Variants in STK16 observed in about 807,000 individuals in gnomAD.
The protein encoded by STK16 is serine/threonine kinase 16.
In STK16, 28 loss-of-function variants were observed where a neutral mutation model predicts 37.8. That is an observed-to-expected ratio of 0.74 (90% CI 0.55 to 1.02). The LOEUF is 1.02. Ranked by LOEUF, STK16 falls within the 50% of genes least tolerant of loss-of-function variation. The probability of loss-of-function intolerance (pLI) is 0.00; values close to 1 mark genes in which losing one functional copy is unlikely to be tolerated. For missense variants in STK16, 349 were observed against 390.6 expected, an observed-to-expected ratio of 0.89 and a Z score of 0.90; for synonymous variants, 134 against 155.0, an observed-to-expected ratio of 0.86 and a Z score of 1.01.
In STK16 at chr2:219,248,227, G is replaced by C; in HGVS notation, c.692G>C (p.Gly231Ala). 1 of 1,614,172 alleles carries C rather than the reference G, an allele frequency of 6.2e-7. No individual in the cohort carries two copies. The highest frequency in any genetic ancestry group is 8.5e-7 in the Non-Finnish European group (1 of 1,180,018). ...LGCVLYAMMF[G>A]EGPYDMVFQK... The stretch of plus-strand genomic sequence containing the variant: ...TGCGTGCTATATGCCATGATGTTTG[G>C]GGAAGGCCCTTATGACATGGTGTTC... The change falls in exon 7 of 8, where the codon GGG (glycine) becomes GCG (alanine). Residue 231 changes from glycine to alanine, a missense_variant. Transcript: ENST00000396738.
chr2:219,248,355 C>T (rs1305690777), intron 7 of STK16, 41 bp downstream of exon 7: 1 of 1,613,374 alleles, frequency 6.2e-7, no homozygotes, highest in African/African-American at 1.3e-5. Flanking sequence ...TTTCAGACTC[C>T]CCCCTGGTAT....
At position 219,248,065 on chromosome 2, in the gene STK16, T is replaced by C. The variant is rs1323340418; in HGVS notation, c.658-128T>C. The C allele has an allele frequency of 2.1e-6, 3 of 1,423,778 alleles. No homozygotes were observed. In the African/African-American group the frequency reaches 4.2e-5, roughly 20 times the overall value. 88.2% of individuals were successfully genotyped at this position (1,423,778 alleles called of 1,614,324 possible). On this transcript the variant is annotated intron_variant, in intron 6 of 7. Transcript: ENST00000396738. ...GCTGACTGGCAGTTTCTCTGGACCC[T>C]GGTGGTGCCATGTGGCTGAGGTCAG...
rs1951525644 is a variant in STK16, at chr2:219,246,175, T to C, written c.86+90T>C. On this transcript the variant is annotated intron_variant, in intron 2 of 7. Transcript: ENST00000396738. The surrounding 1 kb of genome is among the most constrained non-coding windows in gnomAD (Gnocchi z 4.5). ...ATATGCTTGGGGCACAAGGGTTTTA[T>C]CCCTATCCCTGTCCTCTCTCACCTG... 8.9e-7 allele frequency: 1 copy of C among 1,128,940 alleles called. No homozygotes were observed. Among genetic ancestry groups the C allele is most frequent in the Non-Finnish European group, 1.3e-6 (1 of 770,178 alleles). 69.9% of individuals were successfully genotyped at this position (1,128,940 alleles called of 1,614,324 possible).
In STK16 at chr2:219,246,772, A is replaced by G. The variant is rs1418868184; in HGVS notation, c.202A>G (p.Met68Val). The change falls in exon 3 of 8, where the codon ATG (methionine) becomes GTG (valine). Residue 68 changes from methionine (M) to valine (V), a missense_variant. Met to Val is a conservative substitution (Grantham distance 21). Coordinates refer to ENST00000396738, the MANE Select transcript of STK16 (RefSeq NM_001330213.2). This position sits in a 1 kb window ranked among gnomAD's most constrained non-coding sequence, Gnocchi z 4.5. ...GGAGGAGGCCCAGCGAGAAGCCGAC[A>G]TGCATCGCCTCTTCAATCACCCCAA... ...DREEAQREAD[M>V]HRLFNHPNIL... The G allele has an allele frequency of 6.2e-7, 1 of 1,614,210 alleles. No homozygotes were observed. Among genetic ancestry groups the G allele is most frequent in the South Asian group, 1.1e-5 (1 of 91,084 alleles).
intron 3 of STK16, 81 bp from the exon 4 acceptor site, chr2:219,247,032 G>A (rs577198736): frequency 2.5e-6 from 4 of 1,592,888 alleles, no homozygotes; most frequent in Admixed American, 1.7e-5. Flanking sequence ...GGGCTGATAG[G>A]CTTTGACATA....
Position 219,247,682 on chromosome 2 carries a change from CA to C in STK16, c.583del (p.Thr195ProfsTer27). ...TCCAGGACTGGGCAGCCCAGCGGTG[CA>C]CCATCTCCTACCGAGCCCCAGAGCT... Reference protein sequence around the residue: ...TLQDWAAQRCTISYRAPELFS... With the variant: ...TLQDWAAQRCXISYRAPELFS... On this transcript the variant is annotated frameshift_variant, in exon 6 of 8. Coordinates refer to ENST00000396738, the MANE Select transcript of STK16 (RefSeq NM_001330213.2). LOFTEE classifies it high-confidence loss of function. 1 of 1,610,970 alleles carries C rather than the reference CA, an allele frequency of 6.2e-7. No homozygotes were observed. The highest frequency in any genetic ancestry group is 2.2e-5 in the East Asian group (1 of 44,818).
In STK16 at chr2:219,248,825, TGA is replaced by T; in HGVS notation, c.*268_*269del. ...GGAACATGGCTCTGAGCAGGACTGT[TGA>T]GCTCACATAGTGTTCTGACTCCAAA... On this transcript the variant is annotated 3_prime_UTR_variant, in exon 8 of 8. Transcript: ENST00000396738. 2.3e-6 allele frequency: 1 copy of T among 427,794 alleles called. No homozygotes were observed. 26.5% of individuals were successfully genotyped at this position (427,794 alleles called of 1,614,324 possible). A position where few individuals can be genotyped will look rare whatever the true frequency, so the allele number is the denominator to read the frequency against.
chr2:219,248,746 G>A lies in STK16; in HGVS notation c.*187G>A. ...TCCAAGAGCAAAACCTGGGCAAGGG[G>A]ACTTACTGAGTGGGGGTGGGTGGGG... On this transcript the variant is annotated 3_prime_UTR_variant, in exon 8 of 8. Transcript: ENST00000396738. 9.4e-6 allele frequency: 3 copies of A among 318,048 alleles called. No individual in the cohort carries two copies. Among genetic ancestry groups the A allele is most frequent in the South Asian group, 2.8e-5 (1 of 35,358 alleles). 19.7% of individuals were successfully genotyped at this position (318,048 alleles called of 1,614,324 possible). A position where few individuals can be genotyped will look rare whatever the true frequency, so the allele number is the denominator to read the frequency against.
Position 219,250,211 on chromosome 2 carries a change from C to T in STK16, c.*1652C>T. On this transcript the variant is annotated 3_prime_UTR_variant, in exon 8 of 8. Coordinates refer to ENST00000396738, the MANE Select transcript of STK16 (RefSeq NM_001330213.2). The surrounding 1 kb of genome is among the most constrained non-coding windows in gnomAD (Gnocchi z 8.4). ...CGATGGAAGGGATAAGGGTCATGAA[C>T]AGCAAACAGAGCAGCAGCAGCATGA... 6 of 1,263,882 alleles carry T rather than the reference C, an allele frequency of 4.7e-6. No homozygotes were observed. The South Asian group carries it at 8.6e-5, about 18-fold the overall frequency. 78.3% of individuals were successfully genotyped at this position (1,263,882 alleles called of 1,614,324 possible).
Position 219,246,103 on chromosome 2 carries a change from A to G in STK16, c.86+18A>G. The G allele has an allele frequency of 1.2e-6, 2 of 1,606,006 alleles. No individual in the cohort carries two copies. Among genetic ancestry groups the G allele is most frequent in the East Asian group, 2.2e-5 (1 of 44,824 alleles). On this transcript the variant is annotated intron_variant, in intron 2 of 7. Coordinates refer to ENST00000396738, the MANE Select transcript of STK16 (RefSeq NM_001330213.2). The surrounding 1 kb of genome is among the most constrained non-coding windows in gnomAD (Gnocchi z 4.5). ...GGGGAGGGGTGAGTGTTTGGAAGTC[A>G]GTTAACTAGTCCTCAAGTTTATGAT...
chr2:219,246,554 C>T lies in STK16; in HGVS notation c.87-103C>T, dbSNP rs1439106156. The T allele has an allele frequency of 2.3e-6, 2 of 861,702 alleles. No individual in the cohort carries two copies. Among genetic ancestry groups the T allele is most frequent in the South Asian group, 2.8e-5 (2 of 71,604 alleles). The allele number at this position is 861,702 out of a possible 1,614,324, so 53.4% of individuals were successfully genotyped here. A position where few individuals can be genotyped will look rare whatever the true frequency, so the allele number is the denominator to read the frequency against. ...TTAGAGCCACATCTTGGGAAGGTTT[C>T]TGCTAAATGGGAAGGACACCCCACT... On this transcript the variant is annotated intron_variant, in intron 2 of 7. Transcript: ENST00000396738. The surrounding 1 kb of genome is among the most constrained non-coding windows in gnomAD (Gnocchi z 4.5).
Position 219,248,247 on chromosome 2 carries a change from G to C in STK16, c.712G>C (p.Val238Leu), listed in dbSNP as rs999583249. 4.3e-6 allele frequency: 7 copies of C among 1,614,074 alleles called. No individual in the cohort carries two copies. In the Admixed American group the frequency reaches 1.0e-4, roughly 23 times the overall value. Reference protein sequence around the residue: ...MMFGEGPYDMVFQKGDSVALA... With the variant: ...MMFGEGPYDMLFQKGDSVALA... ...GTTTGGGGAAGGCCCTTATGACATG[G>C]TGTTCCAAAAGGGTGACAGTGTGGC... Residue 238 changes from valine (V) to leucine (L), a missense_variant, in exon 7 of 8, where the codon GTG becomes CTG. Coordinates refer to ENST00000396738, the MANE Select transcript of STK16 (RefSeq NM_001330213.2).
chr2:219,246,665 G>A lies in STK16; in HGVS notation c.95G>A (p.Ser32Asn), dbSNP rs201945391. 2.7e-5 allele frequency: 43 copies of A among 1,613,918 alleles called. No homozygotes were observed. Among genetic ancestry groups the A allele is most frequent in the Non-Finnish European group, 3.6e-5 (42 of 1,179,886 alleles). ...ACCCCTTTGGCCCACAGTGGGTTCAGCTATGTGGACCTAGTGGAAGGGTTA... is the reference window on the plus strand; with the variant it reads ...ACCCCTTTGGCCCACAGTGGGTTCAACTATGTGGACCTAGTGGAAGGGTTA... The part of the protein sequence containing the change: ...FIQKLGEGGF[S>N]YVDLVEGLHD... Residue 32 changes from serine to asparagine, a missense_variant, in exon 3 of 8, where the codon AGC becomes AAC. Coordinates refer to ENST00000396738, the MANE Select transcript of STK16 (RefSeq NM_001330213.2). This position sits in a 1 kb window ranked among gnomAD's most constrained non-coding sequence, Gnocchi z 4.5.
chr2:219,248,686 T>C lies in STK16; in HGVS notation c.*127T>C. The C allele has an allele frequency of 8.8e-7, 1 of 1,133,668 alleles. No individual in the cohort carries two copies. Among genetic ancestry groups the C allele is most frequent in the Non-Finnish European group, 1.2e-6 (1 of 838,794 alleles). The allele number at this position is 1,133,668 out of a possible 1,614,324, so 70.2% of individuals were successfully genotyped here. On this transcript the variant is annotated 3_prime_UTR_variant, in exon 8 of 8. Transcript: ENST00000396738. ...GGGGGTAGCGGGGTCAGGACAATCA[T>C]CTCAGTCCTGCATCTTTTCTTCTGC...
intron 5 of STK16, 61 bp from the exon 6 acceptor site, chr2:219,247,601 C>T: frequency 1.2e-6 from 2 of 1,614,138 alleles, no homozygotes; most frequent in Non-Finnish European, 1.7e-6. Flanking sequence ...GTGCATGTCC[C>T]AGTTTGGTCA....
intron 6 of STK16, 62 bp downstream of exon 6, chr2:219,247,819 G>A (rs1951570975): frequency 6.7e-7 from 1 of 1,491,130 alleles, no homozygotes; most frequent in African/African-American, 1.4e-5. Flanking sequence ...CCACCGTGGA[G>A]TAGAGTAGGT....
rs764800289 is a variant in STK16, at chr2:219,247,261, C to A, written c.440+15C>A. The A allele has an allele frequency of 1.2e-6, 2 of 1,613,764 alleles. No homozygotes were observed. Among genetic ancestry groups the A allele is most frequent in the Non-Finnish European group, 8.5e-7 (1 of 1,179,734 alleles). ...TATGCCCACAGGTCAGTGGGAGGAC[C>A]CTGTGTGCTTGCTGGGGCCCAGAGG... On this transcript the variant is annotated intron_variant, in intron 4 of 7. Transcript: ENST00000396738.
chr2:219,247,626 G>C (rs990866625), intron 5 of STK16, 36 bp from the exon 6 acceptor site: 1 of 1,613,578 alleles, frequency 6.2e-7, no homozygotes, highest in Admixed American at 1.7e-5. Context: ...ACCATGACCT[G>C]TGCCCCACTT....
At position 219,245,898 on chromosome 2, in the gene STK16, T is replaced by TGAACCGCTGGGCCCCCAGCGC. The variant is rs1951518186; in HGVS notation, c.-100_-99insACCGCTGGGCCCCCAGCGCGA. 1.1e-6 allele frequency: 1 copy of TGAACCGCTGGGCCCCCAGCGC among 873,454 alleles called. No homozygotes were observed. Among genetic ancestry groups the TGAACCGCTGGGCCCCCAGCGC allele is most frequent in the Non-Finnish European group, 1.8e-6 (1 of 552,062 alleles). 54.1% of individuals were successfully genotyped at this position (873,454 alleles called of 1,614,324 possible). On this transcript the variant is annotated 5_prime_UTR_variant, in exon 2 of 8. Transcript: ENST00000396738. The stretch of plus-strand genomic sequence containing the variant: ...CCCTGCCGTTGTTTTCTTTCCAGCA[T>TGAACCGCTGGGCCCCCAGCGC]GATCCGCTGGGCCCCCAGCGCATCT...
Sources: gnomAD v4.1 joint callset for allele counts on GRCh38, gnomAD v4.1.1 for gene constraint, Gnocchi (gnomAD v3.1) non-coding constraint, MANE v1.5 for transcripts, NCBI Gene and HGNC (gene_info 2026-07-23, HGNC 2026-07-21) for gene names.